The following NHSL1 variants were observed in gnomAD, a reference collection of about 807,000 sequenced individuals.
NHSL1 encodes NHS-like protein 1.
A neutral mutation model predicts 95.0 loss-of-function variants in NHSL1; 48 were observed. The ratio of observed to expected loss-of-function variants is 0.51; its 90% confidence interval spans 0.40 to 0.64. The LOEUF (loss-of-function observed/expected upper bound fraction) is 0.64. Among genes scored for constraint, NHSL1 ranks in the 30% least tolerant of loss-of-function variants. The pLI is 0.00. For synonymous variants in NHSL1, 783 were observed against 833.9 expected, an observed-to-expected ratio of 0.94 and a Z score of 1.05; for missense variants, 1,971 against 2,077.7, an observed-to-expected ratio of 0.95 and a Z score of 1.00.
intron 5 of NHSL1, among the ~76,000 whole-genome samples, chr6:138,435,709 G>T (rs1054290031): frequency 1.3e-5 from 2 of 148,380 alleles, no homozygotes; most frequent in African/African-American, 5.2e-5. Flanking sequence ...GCAGATAACT[G>T]GGGTTTTTTT....
At chr6:138,501,830 C>A (rs1329168757), upstream of NHSL1, among the ~76,000 whole-genome samples, 1 of 152,212 alleles carries the variant, frequency 6.6e-6, no homozygotes, top group Non-Finnish European at 1.5e-5. Flanking sequence ...GCAACCTATG[C>A]ACATCTTCCC....
chr6:138,488,228 A>G (rs959023131), intron 2 of NHSL1, among the ~76,000 whole-genome samples: 2 of 151,778 alleles, frequency 1.3e-5, no homozygotes, highest in Non-Finnish European at 2.9e-5. Context: ...CAGTGAGCCG[A>G]GATCACACCA....
chr6:138,686,002 C>A (rs373372151), intron 1 of NHSL1, among the ~76,000 whole-genome samples: 1 of 151,936 alleles, frequency 6.6e-6, no homozygotes, highest in African/African-American at 2.4e-5. Context: ...GCAGAGAGTA[C>A]AATGATGGTT....
chr6:138,621,523 A>G (rs2114629359), intron 1 of NHSL1, among the ~76,000 whole-genome samples: 1 of 151,096 alleles, frequency 6.6e-6, no homozygotes, highest in South Asian at 2.1e-4. Flanking sequence ...CCCAGGCTGG[A>G]GTGCAGTGGC....
intron 1 of NHSL1, among the ~76,000 whole-genome samples, chr6:138,687,435 T>G (rs749577235): frequency 6.6e-6 from 1 of 152,190 alleles, no homozygotes; most frequent in Non-Finnish European, 1.5e-5. Flanking sequence ...TTGTGAGGTA[T>G]GAGAATGCAT....
chr6:138,544,420 G>A (rs1208723735), intron 1 of NHSL1, among the ~76,000 whole-genome samples: 2 of 151,420 alleles, frequency 1.3e-5, no homozygotes, highest in Non-Finnish European at 2.9e-5. Context: ...AAAATGTGAT[G>A]TTCCTTTTTG....
intron 1 of NHSL1, among the ~76,000 whole-genome samples, chr6:138,567,158 C>T (rs1002573323): frequency 1.3e-5 from 2 of 151,770 alleles, no homozygotes; most frequent in African/African-American, 4.8e-5. Flanking sequence ...GACCTAGTCT[C>T]GCTGTGTTAC....
intron 3 of NHSL1, among the ~76,000 whole-genome samples, chr6:138,455,882 A>G (rs1777579440): frequency 6.6e-6 from 1 of 152,262 alleles, no homozygotes; most frequent in Non-Finnish European, 1.5e-5. Flanking sequence ...ATGTGGGTGG[A>G]ACAAAAGACG....
chr6:138,639,368 A>G (rs1306045339), intron 1 of NHSL1, among the ~76,000 whole-genome samples: 2 of 152,050 alleles, frequency 1.3e-5, no homozygotes, highest in Non-Finnish European at 2.9e-5. Flanking sequence ...GCTGGGCGCA[A>G]TGGCTCACGC....
At position 138,470,845 on chromosome 6, in the gene NHSL1, G is replaced by A. The variant is rs1014696759; in HGVS notation, c.339+2461C>T. On this transcript the variant is annotated intron_variant, in intron 3 of 7. Coordinates refer to ENST00000343505, the MANE Select transcript of NHSL1 (RefSeq NM_001144060.2). ...GACGCTGTGGGTCCCAAGGAGACCTGTCAAGGGTCCCACAGTCAACTTCTC... is the reference window on the plus strand; with the variant it reads ...GACGCTGTGGGTCCCAAGGAGACCTATCAAGGGTCCCACAGTCAACTTCTC... Among the ~76,000 whole-genome samples, 4 of 152,114 alleles carry A rather than the reference G, an allele frequency of 2.6e-5. No homozygotes were observed. In the East Asian group the frequency reaches 5.8e-4, roughly 22 times the overall value.
intron 5 of NHSL1, among the ~76,000 whole-genome samples, chr6:138,437,674 T>C (rs1776276262): frequency 6.6e-6 from 1 of 152,132 alleles, no homozygotes; most frequent in Non-Finnish European, 1.5e-5. Flanking sequence ...CTGAAAAGGA[T>C]TCACTACTCT....
intron 1 of NHSL1, among the ~76,000 whole-genome samples, chr6:138,647,790 G>T (rs535316142): frequency 1.3e-5 from 2 of 152,106 alleles, no homozygotes; most frequent in South Asian, 4.2e-4. Context: ...TAGAGACAGG[G>T]TTTCACCATG....
rs1775647948 is a variant in NHSL1, at chr6:138,431,372, A to C, written c.2973T>G (p.Ser991=). ...PFCSPPDWCL[S]PPRPALSPIL... ...TGGGGCTCAGTGCAGGGCGGGGAGG[A>C]GAAAGGCACCAATCAGGTGGGGAGC... is the stretch of plus-strand genomic sequence containing the variant. Residue 991 remains serine, a synonymous_variant, in exon 6 of 8, where the codon TCT becomes TCG. Coordinates refer to ENST00000343505, the MANE Select transcript of NHSL1 (RefSeq NM_001144060.2). The surrounding 1 kb of genome is among the most constrained non-coding windows in gnomAD (Gnocchi z 4.0). The C allele has an allele frequency of 1.3e-6, 2 of 1,547,084 alleles. No homozygotes were observed. The highest frequency in any genetic ancestry group is 4.9e-5 in the East Asian group (2 of 40,876).
intron 1 of NHSL1, among the ~76,000 whole-genome samples, chr6:138,565,231 C>G (rs1380551917): frequency 6.6e-6 from 1 of 152,036 alleles, no homozygotes; most frequent in African/African-American, 2.4e-5. Flanking sequence ...CTCAGCCTCC[C>G]AAGTAGCTGG....
Position 138,423,723 on chromosome 6 carries a change from T to G in NHSL1, c.*358A>C, listed in dbSNP as rs113956592. On this transcript the variant is annotated 3_prime_UTR_variant, in exon 8 of 8. Coordinates refer to ENST00000343505, the MANE Select transcript of NHSL1 (RefSeq NM_001144060.2). Reference sequence around the variant, plus strand: ...TACCAAGCTTAAGTCTGGCTTGCTTTCTTCTATTTCTGTACATGTTGTTTG... The same window carrying G: ...TACCAAGCTTAAGTCTGGCTTGCTTGCTTCTATTTCTGTACATGTTGTTTG... The G allele has an allele frequency of 7.6e-3, 1,366 of 180,190 alleles. 27 individuals carry two copies. The highest frequency in any genetic ancestry group is 0.03 in the African/African-American group (1,260 of 42,698). 11.2% of individuals were successfully genotyped at this position (180,190 alleles called of 1,614,324 possible).
At chr6:138,504,041 G>C (rs1780828249), upstream of NHSL1, among the ~76,000 whole-genome samples, 1 of 151,360 alleles carries the variant, frequency 6.6e-6, no homozygotes, top group South Asian at 2.1e-4. Flanking sequence ...TACCAACCTA[G>C]GCAACCCAGA....
chr6:138,652,930 G>T (rs971457117), intron 1 of NHSL1, among the ~76,000 whole-genome samples: 1 of 152,184 alleles, frequency 6.6e-6, no homozygotes, highest in African/African-American at 2.4e-5. Context: ...TCGGCACTGG[G>T]ATTGAGGTTA....
rs1412375106 is a variant in NHSL1 at position 138,422,946 on chromosome 6, T to C, written c.*1135A>G. On this transcript the variant is annotated 3_prime_UTR_variant, in exon 8 of 8. Transcript: ENST00000343505. ...TATAATAGATTTTGATAAATCTTTC[T>C]GAATTAGGACATGATACTGTAGGCA... 4 of 152,064 alleles carry C rather than the reference T, an allele frequency of 2.6e-5. No individual in the cohort carries two copies. The highest frequency in any genetic ancestry group is 5.9e-5 in the Non-Finnish European group (4 of 68,004). The allele number at this position is 152,064 out of a possible 1,614,324, so 9.4% of individuals were successfully genotyped here. A position where few individuals can be genotyped will look rare whatever the true frequency, so the allele number is the denominator to read the frequency against.
At chr6:138,569,239 G>GTGTATA (rs1362639542) in intron 1 of NHSL1, among the ~76,000 whole-genome samples, 34 of 150,076 alleles carry the variant, frequency 2.3e-4, no homozygotes, top group African/African-American at 8.1e-4. Flanking sequence ...TGATGGTTGT[G>GTGTATA]TGTATATGTG....
Sources: allele counts gnomAD v4.1 joint callset (sites outside exome capture counted in the v4.1 genomes callset), GRCh38; gene constraint gnomAD v4.1.1; non-coding constraint Gnocchi (gnomAD v3.1); transcripts MANE v1.5; gene names NCBI Gene and HGNC (gene_info 2026-07-23, HGNC 2026-07-21).